The following RAP1GDS1 variants were observed in gnomAD, a reference collection of about 807,000 sequenced individuals.
RAP1GDS1 encodes RAP1, GTP-GDP dissociation stimulator 1.
A neutral mutation model predicts 71.1 loss-of-function variants in RAP1GDS1; 35 were observed. That is an observed-to-expected ratio of 0.49 (90% CI 0.38 to 0.65). RAP1GDS1 has a LOEUF of 0.65. RAP1GDS1 is among the 30% of genes least tolerant of loss of function. RAP1GDS1 has a pLI of 0.00. For missense variants in RAP1GDS1, 663 were observed against 706.1 expected (o/e 0.94, Z 0.69); for synonymous variants, 229 against 243.1 (o/e 0.94, Z 0.54).
At chr4:98,424,464 A>G (rs902275769) in intron 12 of RAP1GDS1, among the ~76,000 whole-genome samples, 5 of 152,200 alleles carry the variant, frequency 3.3e-5, no homozygotes, top group African/African-American at 9.6e-5. Context: ...AGAGAAATCT[A>G]AAAGTTTAGA....
intron 14 of RAP1GDS1, among the ~76,000 whole-genome samples, chr4:98,439,666 T>C (rs1408911998): frequency 6.6e-6 from 1 of 152,232 alleles, no homozygotes; most frequent in Non-Finnish European, 1.5e-5. Context: ...TTGGAAGTTC[T>C]CTGATTATTT....
intron 3 of RAP1GDS1, among the ~76,000 whole-genome samples, chr4:98,349,301 C>T (rs4496588): frequency 0.17 from 26,326 of 151,976 alleles, 2,403 homozygotes; most frequent in South Asian, 0.29. Flanking sequence ...ATTTCTGAGG[C>T]CTCTGTTCTG....
chr4:98,280,216 G>C (rs1038717018), intron 1 of RAP1GDS1, among the ~76,000 whole-genome samples: 20 of 152,128 alleles, frequency 1.3e-4, no homozygotes, highest in African/African-American at 4.8e-4. Context: ...CTAGTTTACA[G>C]TCCCACCAAC....
chr4:98,373,974 G>C (rs1384988844), intron 4 of RAP1GDS1, among the ~76,000 whole-genome samples: 1 of 152,140 alleles, frequency 6.6e-6, no homozygotes, highest in Non-Finnish European at 1.5e-5. Flanking sequence ...ATTTGAATGG[G>C]ATGGTGTAAA....
At chr4:98,262,007 A>G (rs1026110664) in intron 1 of RAP1GDS1, among the ~76,000 whole-genome samples, 2 of 152,218 alleles carry the variant, frequency 1.3e-5, no homozygotes, top group African/African-American at 2.4e-5. Flanking sequence ...CTTCTCTGTC[A>G]GTGCGACCTT....
chr4:98,432,844 G>A (rs1237137664), intron 12 of RAP1GDS1, among the ~76,000 whole-genome samples: 1 of 151,918 alleles, frequency 6.6e-6, no homozygotes, highest in African/African-American at 2.4e-5. Context: ...CTAAGACAAC[G>A]GAACCCTTGG....
rs145008492 is a variant in RAP1GDS1 at position 98,399,819 on chromosome 4, C to T, written c.638-4658C>T. On this transcript the variant is annotated intron_variant, in intron 6 of 14. Coordinates refer to ENST00000408927, the MANE Select transcript of RAP1GDS1 (RefSeq NM_001100427.2). ...GGATGTGGAGAAAAAAGAACTCACA[C>T]TGGGAGTGTCAACTAGCACAGCCAC... 7.3e-3 allele frequency among the ~76,000 whole-genome samples: 1,114 copies of T among 152,184 alleles called. 19 individuals carry two copies. Among genetic ancestry groups the T allele is most frequent in the African/African-American group, 0.026 (1,073 of 41,508 alleles).
chr4:98,278,652 A>G (rs1724583260), intron 1 of RAP1GDS1, among the ~76,000 whole-genome samples: 1 of 152,200 alleles, frequency 6.6e-6, no homozygotes, highest in South Asian at 2.1e-4. Flanking sequence ...AAGCTCTTTT[A>G]TATCCTCATT....
intron 3 of RAP1GDS1, among the ~76,000 whole-genome samples, chr4:98,344,042 A>G (rs1440377672): frequency 1.3e-5 from 2 of 152,178 alleles, no homozygotes; most frequent in Non-Finnish European, 2.9e-5. Context: ...CGTAATCATC[A>G]TGGCAGGTGG....
At chr4:98,440,566 T>C (rs1399728715) in intron 14 of RAP1GDS1, among the ~76,000 whole-genome samples, 2 of 152,190 alleles carry the variant, frequency 1.3e-5, no homozygotes, top group African/African-American at 2.4e-5. Flanking sequence ...CATCTTACTG[T>C]GGTTTTTATT....
intron 1 of RAP1GDS1, among the ~76,000 whole-genome samples, chr4:98,288,842 T>C (rs920857891): frequency 6.6e-6 from 1 of 152,206 alleles, no homozygotes; most frequent in Non-Finnish European, 1.5e-5. Flanking sequence ...TTTTGAGAAG[T>C]GTCTGTTTAT....
At chr4:98,290,970 A>G (rs1158262346) in intron 1 of RAP1GDS1, among the ~76,000 whole-genome samples, 1 of 152,132 alleles carries the variant, frequency 6.6e-6, no homozygotes, top group Non-Finnish European at 1.5e-5. Flanking sequence ...GAGAAGGAAG[A>G]TCTATTGAAG....
intron 1 of RAP1GDS1, among the ~76,000 whole-genome samples, chr4:98,281,253 G>A (rs1725044023): frequency 6.6e-6 from 1 of 152,148 alleles, no homozygotes; most frequent in Non-Finnish European, 1.5e-5. Flanking sequence ...AGCATAGAAT[G>A]TTCTTCCATT....
intron 4 of RAP1GDS1, among the ~76,000 whole-genome samples, chr4:98,363,262 AG>A (rs1001840911): frequency 1.1e-4 from 16 of 152,068 alleles, no homozygotes; most frequent in African/African-American, 3.4e-4. Flanking sequence ...GCAAGGCTCA[AG>A]GGCTGCTTGA....
At chr4:98,295,780 A>G (rs1394269689) in intron 2 of RAP1GDS1, among the ~76,000 whole-genome samples, 1 of 152,044 alleles carries the variant, frequency 6.6e-6, no homozygotes, top group Admixed American at 6.6e-5. Flanking sequence ...ATAGCTCTAA[A>G]TTTTTATTAA....
intron 1 of RAP1GDS1, among the ~76,000 whole-genome samples, chr4:98,279,407 ATT>A (rs1009195613): frequency 5.3e-5 from 8 of 151,788 alleles, no homozygotes; most frequent in African/African-American, 1.9e-4. Flanking sequence ...CATTTAAAAA[ATT>A]TTTAAATGAT....
intron 2 of RAP1GDS1, among the ~76,000 whole-genome samples, chr4:98,333,324 T>C (rs1347839044): frequency 1.3e-5 from 2 of 152,018 alleles, no homozygotes; most frequent in African/African-American, 4.8e-5. Flanking sequence ...TTTTAATTCT[T>C]AGTAACAATT....
chr4:98,294,445 C>T (rs1299476517), intron 2 of RAP1GDS1, among the ~76,000 whole-genome samples: 1 of 151,742 alleles, frequency 6.6e-6, no homozygotes, highest in African/African-American at 2.4e-5. Flanking sequence ...TTAGAGCTAG[C>T]TTTTAAAATT....
At chr4:98,431,070 A>G (rs977898509) in intron 12 of RAP1GDS1, among the ~76,000 whole-genome samples, 6 of 152,204 alleles carry the variant, frequency 3.9e-5, no homozygotes, top group African/African-American at 1.2e-4. Flanking sequence ...TTGCCTTTAT[A>G]CCAGGAATAT....
Sources: allele counts gnomAD v4.1 joint callset (sites outside exome capture counted in the v4.1 genomes callset), GRCh38; gene constraint gnomAD v4.1.1; transcripts MANE v1.5; gene names NCBI Gene and HGNC (gene_info 2026-07-23, HGNC 2026-07-21).